Variants in TSPOAP1 observed in about 807,000 individuals in gnomAD.
TSPOAP1 encodes TSPO associated protein 1.
TSPOAP1 carries 87 observed loss-of-function variants against 197.0 expected under a neutral mutation model. That is an observed-to-expected ratio of 0.44 (90% CI 0.37 to 0.53). TSPOAP1 has a LOEUF of 0.53. TSPOAP1 is among the 20% of genes least tolerant of loss of function. The pLI is 0.00. For missense variants in TSPOAP1, 2,174 were observed against 2,411.3 expected, an observed-to-expected ratio of 0.90 and a Z score of 2.06; for synonymous variants, 913 against 998.9, an observed-to-expected ratio of 0.91 and a Z score of 1.62.
chr17:58,324,472 G>T lies in TSPOAP1; in HGVS notation c.942+339C>A, dbSNP rs1971506289. 6.6e-6 allele frequency among the ~76,000 whole-genome samples: 1 copy of T among 151,840 alleles called. No individual in the cohort carries two copies. Among genetic ancestry groups the T allele is most frequent in the Non-Finnish European group, 1.5e-5 (1 of 67,920 alleles). On this transcript the variant is annotated intron_variant, in intron 5 of 31. Transcript: ENST00000343736. The surrounding 1 kb of genome is among the most constrained non-coding windows in gnomAD (Gnocchi z 5.8). The stretch of plus-strand genomic sequence containing the variant: ...CTCTACGGCGGCGGCGGGAGGAGGC[G>T]GCGCGGGCTGGGCCCCGGGCGGCTG...
In TSPOAP1 at chr17:58,305,182, G is replaced by C; in HGVS notation, c.5434-11C>G. 1 of 1,593,490 alleles carries C rather than the reference G, an allele frequency of 6.3e-7. No homozygotes were observed. Reference sequence around the variant, plus strand: ...TCCATTTAATTCCCCCTGGAGAGAAGAGGCCGGTGAGACTGAGATCAGGAA... The same window carrying C: ...TCCATTTAATTCCCCCTGGAGAGAACAGGCCGGTGAGACTGAGATCAGGAA... On this transcript the variant is annotated splice_polypyrimidine_tract_variant and intron_variant, in intron 29 of 31. Coordinates refer to ENST00000343736, the MANE Select transcript of TSPOAP1 (RefSeq NM_004758.4).
At position 58,327,896 on chromosome 17, in the gene TSPOAP1, G is replaced by A. The variant is rs150941874; in HGVS notation, c.25C>T (p.Arg9Trp). 1.1e-4 allele frequency: 179 copies of A among 1,602,798 alleles called. No homozygotes were observed. Among genetic ancestry groups the A allele is most frequent in the African/African-American group, 1.6e-4 (12 of 74,854 alleles). Reference protein sequence around the residue: MEQLTTLPRPGDPGAMEPW... With the variant: MEQLTTLPWPGDPGAMEPW... The stretch of plus-strand genomic sequence containing the variant: ...TCCATGGCTCCAGGGTCCCCAGGCC[G>A]TGGGAGGGTTGTCAGTTGCTCCATG... Residue 9 changes from arginine (R) to tryptophan (W), a missense_variant, in exon 1 of 32, where the codon CGG becomes TGG. Physicochemically the swap from Arg to Trp is moderately radical, Grantham distance 101. Coordinates refer to ENST00000343736, the MANE Select transcript of TSPOAP1 (RefSeq NM_004758.4).
intron 29 of TSPOAP1, 107 bp from the exon 30 acceptor site, chr17:58,305,278 G>C (rs543746288): frequency 6.7e-7 from 1 of 1,495,874 alleles, no homozygotes; most frequent in African/African-American, 1.4e-5. Context: ...ACTGTCCAGG[G>C]AGGTGACCCG....
At chr17:58,307,419 C>G (rs990886208) in intron 24 of TSPOAP1, 192 bp downstream of exon 24, 1 of 700,762 alleles carries the variant, frequency 1.4e-6, no homozygotes, top group Non-Finnish European at 2.3e-6. Flanking sequence ...AAAACTGAGG[C>G]CCAGGGGGCC....
intron 16 of TSPOAP1, among the ~76,000 whole-genome samples, chr17:58,313,635 G>A (rs1458286678): frequency 1.3e-5 from 2 of 152,020 alleles, no homozygotes; most frequent in African/African-American, 2.4e-5. Flanking sequence ...AATTCTGCTG[G>A]TTGGGTTTTA....
At chr17:58,308,066 G>A (rs561120864) in intron 22 of TSPOAP1, 125 bp from the exon 23 acceptor site, 33 of 1,027,694 alleles carry the variant, frequency 3.2e-5, no homozygotes, top group Middle Eastern at 2.3e-4. Context: ...TTCCTCTCCC[G>A]GAGCCTCGGC....
At position 58,309,114 on chromosome 17, in the gene TSPOAP1, G is replaced by A. The variant is rs1270676085; in HGVS notation, c.4158C>T (p.Ser1386=). The A allele has an allele frequency of 2.5e-6, 4 of 1,613,846 alleles. No individual in the cohort carries two copies. The highest frequency in any genetic ancestry group is 1.7e-5 in the Admixed American group (1 of 60,022). ...RPGQCPLSPE[S]SRAGDCLEDM... ...CTTCCAGGCAGTCTCCAGCCCTGGA[G>A]GACTCAGGAGACAAGGGACACTGGC... is the stretch of plus-strand genomic sequence containing the variant. The change falls in exon 22 of 32, where the codon TCC becomes TCT. Residue 1386 remains serine, a synonymous_variant. Coordinates refer to ENST00000343736, the MANE Select transcript of TSPOAP1 (RefSeq NM_004758.4). The surrounding 1 kb of genome is among the most constrained non-coding windows in gnomAD (Gnocchi z 5.0).
Position 58,306,329 on chromosome 17 carries a change from G to C in TSPOAP1, c.5224+13C>G. The stretch of plus-strand genomic sequence containing the variant: ...TCCTCCCAGCACCTGAGAGAGAATG[G>C]GGTCTTACCCACCTTTCTTGGAGCG... On this transcript the variant is annotated intron_variant, in intron 26 of 31. Transcript: ENST00000343736. 2 of 1,551,384 alleles carry C rather than the reference G, an allele frequency of 1.3e-6. No individual in the cohort carries two copies. Among genetic ancestry groups the C allele is most frequent in the South Asian group, 2.4e-5 (2 of 84,068 alleles).
chr17:58,304,991 G>T lies in TSPOAP1; in HGVS notation c.5544+70C>A. 8.3e-7 allele frequency: 1 copy of T among 1,202,168 alleles called. No homozygotes were observed. Among genetic ancestry groups the T allele is most frequent in the South Asian group, 1.2e-5 (1 of 82,906 alleles). The allele number at this position is 1,202,168 out of a possible 1,614,324, so 74.5% of individuals were successfully genotyped here. Reference sequence around the variant, plus strand: ...CCAGCTGCACCCCTGCCGCAACACTGCCCTGGCCCTACCACCCCACCAGTA... The same window carrying T: ...CCAGCTGCACCCCTGCCGCAACACTTCCCTGGCCCTACCACCCCACCAGTA... On this transcript the variant is annotated intron_variant, in intron 30 of 31. Coordinates refer to ENST00000343736, the MANE Select transcript of TSPOAP1 (RefSeq NM_004758.4). The surrounding 1 kb of genome is among the most constrained non-coding windows in gnomAD (Gnocchi z 4.2).
intron 16 of TSPOAP1, among the ~76,000 whole-genome samples, chr17:58,314,419 G>A (rs1488980338): frequency 1.3e-5 from 2 of 152,164 alleles, no homozygotes; most frequent in African/African-American, 4.8e-5. Flanking sequence ...GATTATCCGG[G>A]TGGGTCCTAA....
intron 26 of TSPOAP1, 118 bp from the exon 27 acceptor site, chr17:58,305,983 G>A (rs1970877349): frequency 8.6e-7 from 1 of 1,162,180 alleles, no homozygotes; most frequent in African/African-American, 1.5e-5. Flanking sequence ...AGGCTGCCGA[G>A]GGCGCATCTC....
At position 58,326,329 on chromosome 17, in the gene TSPOAP1, C is replaced by T. The variant is rs777778279; in HGVS notation, c.534G>A (p.Glu178=). The change falls in exon 3 of 32, where the codon GAG becomes GAA. Residue 178 remains glutamate (E), a synonymous_variant. Transcript: ENST00000343736. The surrounding 1 kb of genome is among the most constrained non-coding windows in gnomAD (Gnocchi z 4.7). ...ELAVIAKRLE[E]RARKLQETNL... ...TCGTTTCCTGCAGCTTTCGGGCCCT[C>T]TCCTCCAGGCGCTTGGCAATGACCG... 4.3e-6 allele frequency: 7 copies of T among 1,614,144 alleles called. No individual in the cohort carries two copies. The highest frequency in any genetic ancestry group is 2.2e-5 in the East Asian group (1 of 44,882).
chr17:58,327,122 C>T (rs1173390195), intron 1 of TSPOAP1, among the ~76,000 whole-genome samples: 1 of 152,034 alleles, frequency 6.6e-6, no homozygotes, highest in East Asian at 1.9e-4. Context: ...AAGTCCTGTT[C>T]CTTCCCTCTT....
In TSPOAP1 at chr17:58,309,375, C is replaced by T. The variant is rs753126347; in HGVS notation, c.3897G>A (p.Gln1299=). 1 of 1,607,268 alleles carries T rather than the reference C, an allele frequency of 6.2e-7. No homozygotes were observed. Among genetic ancestry groups the T allele is most frequent in the Admixed American group, 1.7e-5 (1 of 59,922 alleles). The change falls in exon 22 of 32, where the codon CAG becomes CAA. Residue 1299 remains glutamine (Q), a synonymous_variant. Transcript: ENST00000343736. The surrounding 1 kb of genome is among the most constrained non-coding windows in gnomAD (Gnocchi z 5.0). ...TGTCAGTCTCACAAAAGGGGTCGGG[C>T]TGGGACTGGTGGAGGTGGGGAGGTG... ...NSIRENGAKS[Q]PDPFCETDSD...
In TSPOAP1 at chr17:58,310,499, C is replaced by T. The variant is rs778596086; in HGVS notation, c.3699+13G>A. 1 of 1,611,960 alleles carries T rather than the reference C, an allele frequency of 6.2e-7. No homozygotes were observed. The highest frequency in any genetic ancestry group is 8.5e-7 in the Non-Finnish European group (1 of 1,179,210). On this transcript the variant is annotated intron_variant, in intron 20 of 31. Coordinates refer to ENST00000343736, the MANE Select transcript of TSPOAP1 (RefSeq NM_004758.4). Reference sequence around the variant, plus strand: ...ATTCTCTGAAGTGACACAGTGTGTCCCCAAACCCCTACCTCAGCCCTGGGC... The same window carrying T: ...ATTCTCTGAAGTGACACAGTGTGTCTCCAAACCCCTACCTCAGCCCTGGGC...
rs913316906 is a variant in TSPOAP1 at position 58,322,932 on chromosome 17, C to G, written c.1194+18G>C. 1.2e-6 allele frequency: 2 copies of G among 1,607,162 alleles called. No individual in the cohort carries two copies. The highest frequency in any genetic ancestry group is 2.7e-5 in the African/African-American group (2 of 74,822). On this transcript the variant is annotated intron_variant, in intron 8 of 31. Coordinates refer to ENST00000343736, the MANE Select transcript of TSPOAP1 (RefSeq NM_004758.4). The surrounding 1 kb of genome is among the most constrained non-coding windows in gnomAD (Gnocchi z 5.0). ...GGTGGGAGCACAGGTCTCCACAGCA[C>G]CTGGGCGGAAGTGGTACCTGCTCCT... is the stretch of plus-strand genomic sequence containing the variant.
In TSPOAP1 at chr17:58,307,615, A is replaced by G; in HGVS notation, c.4979T>C (p.Leu1660Pro). 6.2e-7 allele frequency: 1 copy of G among 1,613,784 alleles called. No homozygotes were observed. The highest frequency in any genetic ancestry group is 8.5e-7 in the Non-Finnish European group (1 of 1,179,958). Residue 1660 changes from leucine to proline, a missense_variant, in exon 24 of 32, where the codon CTG (leucine) becomes CCG (proline). Transcript: ENST00000343736. ...CCCTGATGGCGAATCAGTCACCTTC[A>G]GGATCTGACCCTCTCGGAAGGGAAG... is the stretch of plus-strand genomic sequence containing the variant. The part of the protein sequence containing the change: ...EELPFREGQI[L>P]KVFGDKDADG...
At chr17:58,320,822 G>A (rs746835294) in intron 10 of TSPOAP1, among the ~76,000 whole-genome samples, 12 of 152,096 alleles carry the variant, frequency 7.9e-5, no homozygotes, top group Non-Finnish European at 1.3e-4. Context: ...CAGGAGAAGC[G>A]TGGCTGAGTC....
rs1950742934 is a variant in TSPOAP1 at position 58,309,658 on chromosome 17, C to G, written c.3892-278G>C. ...ACAGGAGCATTGAGGAGCAGGCCTC[C>G]CCATCCCCTCCCCAGAAGCTACCAG... On this transcript the variant is annotated intron_variant, in intron 21 of 31. Coordinates refer to ENST00000343736, the MANE Select transcript of TSPOAP1 (RefSeq NM_004758.4). The surrounding 1 kb of genome is among the most constrained non-coding windows in gnomAD (Gnocchi z 5.0). Among the ~76,000 whole-genome samples the G allele has an allele frequency of 6.6e-6, 1 of 152,204 alleles. No individual in the cohort carries two copies. Among genetic ancestry groups the G allele is most frequent in the South Asian group, 2.1e-4 (1 of 4,828 alleles).
Sources: gnomAD v4.1 joint callset for allele counts (sites outside exome capture counted in the v4.1 genomes callset) on GRCh38, gnomAD v4.1.1 for gene constraint, Gnocchi (gnomAD v3.1) non-coding constraint, MANE v1.5 for transcripts, NCBI Gene and HGNC (gene_info 2026-07-23, HGNC 2026-07-21) for gene names.